ITGA2B: variants seen among roughly 807,000 people sequenced by gnomAD.
ITGA2B encodes integrin alpha-IIb.
A neutral mutation model predicts 142.0 loss-of-function variants in ITGA2B; 91 were observed. That is an observed-to-expected ratio of 0.64 (90% CI 0.54 to 0.76). The LOEUF is 0.76. ITGA2B is among the 30% of genes least tolerant of loss of function. ITGA2B has a pLI of 0.00. For missense variants in ITGA2B, 1,231 were observed against 1,350.8 expected (o/e 0.91, Z 1.39); for synonymous variants, 536 against 567.2 (o/e 0.94, Z 0.78).
intron 6 of ITGA2B, 27 bp downstream of exon 6, chr17:44,385,133 AAGGG>A: frequency 1.2e-6 from 2 of 1,613,948 alleles, no homozygotes; most frequent in South Asian, 1.1e-5. Context: ...GGGCCGCGAG[AAGGG>A]AGGGAGGTGT....
At position 44,376,325 on chromosome 17, in the gene ITGA2B, G is replaced by A; in HGVS notation, c.2331C>T (p.Ala777=). The change falls in exon 23 of 30, where the codon GCC becomes GCT. Residue 777 remains alanine, a synonymous_variant. Transcript: ENST00000262407. Reference sequence around the variant, plus strand: ...CCTCTCACCCTCGCAGCTCCACTTGGGCCTCTGCCCGGACCGGCACGTCCA... The same window carrying A: ...CCTCTCACCCTCGCAGCTCCACTTGAGCCTCTGCCCGGACCGGCACGTCCA... ...VLLDVPVRAE[A]QVELRGNSFP... is the part of the protein sequence containing the mutation. The A allele has an allele frequency of 6.2e-7, 1 of 1,614,166 alleles. No homozygotes were observed. The highest frequency in any genetic ancestry group is 8.5e-7 in the Non-Finnish European group (1 of 1,180,028).
In ITGA2B at chr17:44,385,899, G is replaced by A. The variant is rs765388119; in HGVS notation, c.333C>T (p.Gly111=). Reference sequence around the variant, plus strand: ...CCTTGAAGGTTTGTAAAGTTTGGGAGCCTACATTTCGGGTCTCATCACCTG... The same window carrying A: ...CCTTGAAGGTTTGTAAAGTTTGGGAACCTACATTTCGGGTCTCATCACCTG... The part of the protein sequence containing the change: ...FDLRDETRNV[G]SQTLQTFKAR... The change falls in exon 3 of 30, where the codon GGC becomes GGT. Residue 111 remains glycine, a synonymous_variant. Coordinates refer to ENST00000262407, the MANE Select transcript of ITGA2B (RefSeq NM_000419.5). The A allele has an allele frequency of 1.9e-6, 3 of 1,611,718 alleles. No homozygotes were observed. The highest frequency in any genetic ancestry group is 2.2e-5 in the South Asian group (2 of 90,686).
chr17:44,379,014 C>T (rs749687882), intron 18 of ITGA2B, among the ~76,000 whole-genome samples: 34 of 150,448 alleles, frequency 2.3e-4, no homozygotes, highest in Admixed American at 1.8e-3. Flanking sequence ...GGCACTATCT[C>T]GGCTCACTGC....
intron 18 of ITGA2B, among the ~76,000 whole-genome samples, chr17:44,379,234 G>A (rs528316308): frequency 2.0e-5 from 3 of 148,996 alleles, no homozygotes; most frequent in Non-Finnish European, 3.0e-5. Context: ...GATTACAGGC[G>A]TGAGCCACTG....
Position 44,375,613 on chromosome 17 carries a change from C to T in ITGA2B, c.2705G>A (p.Arg902Lys), listed in dbSNP as rs867187272. The T allele has an allele frequency of 1.2e-5, 20 of 1,614,048 alleles. 1 individual carries two copies. The Middle Eastern group carries it at 3.3e-3, about 266-fold the overall frequency. Residue 902 changes from arginine (R) to lysine (K), a missense_variant, in exon 26 of 30, where the codon AGG (arginine) becomes AAG (lysine). Arg to Lys is a conservative substitution (Grantham distance 26). Around this residue, in one of 3 missense-constraint regions of ITGA2B, gnomAD observed 908 missense variants for 1,021.1 expected, o/e 0.89. Transcript: ENST00000262407. ...CACTACGAGAACTGGATCCTGAAGCCTCGAGGGCTGCTCGGGCTCTGGCAG... is the reference window on the plus strand; with the variant it reads ...CACTACGAGAACTGGATCCTGAAGCTTCGAGGGCTGCTCGGGCTCTGGCAG... ...IFLPEPEQPS[R>K]LQDPVLVSCD...
rs1291786520 is a variant in ITGA2B at position 44,372,226 on chromosome 17, A to G, written c.*138T>C. ...TAGGCAGCAGGAGGGGGGGTAGCCC[A>G]GCTCTGTTGGGAGGGAAACGACACC... On this transcript the variant is annotated 3_prime_UTR_variant, in exon 30 of 30. Transcript: ENST00000262407. 6.2e-6 allele frequency: 5 copies of G among 811,264 alleles called. No individual in the cohort carries two copies. In the East Asian group the frequency reaches 1.3e-4, roughly 21 times the overall value. 50.3% of individuals were successfully genotyped at this position (811,264 alleles called of 1,614,324 possible).
intron 18 of ITGA2B, 77 bp downstream of exon 18, chr17:44,379,612 T>G: frequency 1.9e-6 from 3 of 1,608,516 alleles, no homozygotes. Flanking sequence ...GTTCACATTG[T>G]GACTTGGCAC....
intron 22 of ITGA2B, 109 bp from the exon 23 acceptor site, chr17:44,376,497 A>ATTAGCCAG: frequency 1.1e-6 from 1 of 941,444 alleles, no homozygotes. Flanking sequence ...TTATACAAAG[A>ATTAGCCAG]GCATGCCACA....
chr17:44,384,437 A>T, intron 8 of ITGA2B, 83 bp from the exon 9 acceptor site: 2 of 1,607,694 alleles, frequency 1.2e-6, no homozygotes, highest in Non-Finnish European at 1.7e-6. Flanking sequence ...ACCCAGGGAA[A>T]AATGTGTGTG....
chr17:44,387,265 G>C (rs1190221041), intron 1 of ITGA2B, among the ~76,000 whole-genome samples: 1 of 152,180 alleles, frequency 6.6e-6, no homozygotes, highest in Non-Finnish European at 1.5e-5. Flanking sequence ...GCTCACGCCT[G>C]TAATCCCAGT....
chr17:44,376,521 T>C (rs2048545991), intron 22 of ITGA2B, 133 bp from the exon 23 acceptor site: 2 of 785,028 alleles, frequency 2.5e-6, no homozygotes, highest in Non-Finnish European at 4.4e-6. Context: ...AAGTTAGACC[T>C]GGGAAAGAAC....
Position 44,374,731 on chromosome 17 carries a change from C to T in ITGA2B, c.2871G>A (p.Ser957=), listed in dbSNP as rs759462215. The change falls in exon 28 of 30, where the codon TCG becomes TCA. Residue 957 remains serine, a synonymous_variant. Transcript: ENST00000262407. ...GGGAGGACACGTTGAACCATGCGTG[C>T]GACTGCAGCACAAACTGATCCAGAG... ...QRPLDQFVLQ[S]HAWFNVSSLP... 28 of 1,613,888 alleles carry T rather than the reference C, an allele frequency of 1.7e-5. No homozygotes were observed. Among genetic ancestry groups the T allele is most frequent in the South Asian group, 2.2e-5 (2 of 91,086 alleles).
Position 44,375,691 on chromosome 17 carries a change from C to T in ITGA2B, c.2627G>A (p.Ser876Asn). The T allele has an allele frequency of 6.3e-7, 1 of 1,597,690 alleles. No homozygotes were observed. Among genetic ancestry groups the T allele is most frequent in the Non-Finnish European group, 8.5e-7 (1 of 1,172,566 alleles). The change falls in exon 26 of 30, where the codon AGC becomes AAC. Residue 876 changes from serine to asparagine, a missense_variant. Ser to Asn is a conservative substitution (Grantham distance 46). Transcript: ENST00000262407. ...LKVDWGLPIP[S>N]PSPIHPAHHK... ...ATGGGCCGGGTGAATGGGGGAGGGGCTGGGGATGGGCAGCCCCCAGTCCAC... is the reference window on the plus strand; with the variant it reads ...ATGGGCCGGGTGAATGGGGGAGGGGTTGGGGATGGGCAGCCCCCAGTCCAC...
In ITGA2B at chr17:44,380,597, C is replaced by T. The variant is rs746085441; in HGVS notation, c.1439+3G>A. 6.2e-6 allele frequency: 10 copies of T among 1,614,242 alleles called. No homozygotes were observed. Among genetic ancestry groups the T allele is most frequent in the South Asian group, 3.3e-5 (3 of 91,082 alleles). Reference sequence around the variant, plus strand: ...CCATCCCGCCCCTGGAGCCAGTGCTCACCTGTACACAGCCACCTGGTTGGC... The same window carrying T: ...CCATCCCGCCCCTGGAGCCAGTGCTTACCTGTACACAGCCACCTGGTTGGC... On this transcript the variant is annotated splice_donor_region_variant and intron_variant, in intron 14 of 29. Transcript: ENST00000262407.
At chr17:44,379,497 G>T (rs2048574913) in intron 18 of ITGA2B, among the ~76,000 whole-genome samples, 192 bp downstream of exon 18, 1 of 151,654 alleles carries the variant, frequency 6.6e-6, no homozygotes, top group African/African-American at 2.4e-5. Context: ...CAGGCAATCT[G>T]CCTGCCTCGG....
At chr17:44,377,146 C>A (rs1000888535) in intron 21 of ITGA2B, 58 bp from the exon 22 acceptor site, 3 of 1,292,932 alleles carry the variant, frequency 2.3e-6, no homozygotes, top group Non-Finnish European at 3.3e-6. Flanking sequence ...GACAGCCCTG[C>A]CCTGAATGTG....
Position 44,376,347 on chromosome 17 carries a change from T to C in ITGA2B, c.2309A>G (p.Asp770Gly). Residue 770 changes from aspartate (D) to glycine (G), a missense_variant, in exon 23 of 30, where the codon GAC becomes GGC. By Grantham distance (94) the Asp-to-Gly change is moderately conservative. Around this residue, in one of 3 missense-constraint regions of ITGA2B, gnomAD observed 908 missense variants for 1,021.1 expected, o/e 0.89. Coordinates refer to ENST00000262407, the MANE Select transcript of ITGA2B (RefSeq NM_000419.5). ...TTGGGCCTCTGCCCGGACCGGCACG[T>C]CCAGCAGCACAATCTTGCTGTTTGG... Reference protein sequence around the residue: ...QNPNSKIVLLDVPVRAEAQVE... With the variant: ...QNPNSKIVLLGVPVRAEAQVE... 1 of 1,614,138 alleles carries C rather than the reference T, an allele frequency of 6.2e-7. No homozygotes were observed. Among genetic ancestry groups the C allele is most frequent in the Non-Finnish European group, 8.5e-7 (1 of 1,180,032 alleles).
rs2048613446 is a variant in ITGA2B, at chr17:44,383,475, G to A, written c.1210+18C>T. 1 of 1,593,762 alleles carries A rather than the reference G, an allele frequency of 6.3e-7. No homozygotes were observed. The highest frequency in any genetic ancestry group is 1.3e-5 in the African/African-American group (1 of 74,770). ...TGTTAACCCCTCTGCAGCAAGTAGGGCTCCTCTCTTCCCTCACCATTGTAG... is the reference window on the plus strand; with the variant it reads ...TGTTAACCCCTCTGCAGCAAGTAGGACTCCTCTCTTCCCTCACCATTGTAG... On this transcript the variant is annotated intron_variant, in intron 12 of 29. Coordinates refer to ENST00000262407, the MANE Select transcript of ITGA2B (RefSeq NM_000419.5).
Position 44,384,535 on chromosome 17 carries a change from T to C in ITGA2B, c.847+3A>G. ...CAACTCCCGCCCTAAGTGGATTTCT[T>C]GCCTGTAGTGTTGAGATCCCCGTCG... is the stretch of plus-strand genomic sequence containing the variant. On this transcript the variant is annotated splice_donor_region_variant and intron_variant, in intron 8 of 29. Coordinates refer to ENST00000262407, the MANE Select transcript of ITGA2B (RefSeq NM_000419.5). 4 of 1,614,006 alleles carry C rather than the reference T, an allele frequency of 2.5e-6. No individual in the cohort carries two copies. The highest frequency in any genetic ancestry group is 3.4e-6 in the Non-Finnish European group (4 of 1,180,018).
Sources: gnomAD v4.1 joint callset for allele counts (sites outside exome capture counted in the v4.1 genomes callset) on GRCh38, gnomAD v4.1.1 for gene constraint, gnomAD v4.1.1 regional missense constraint, MANE v1.5 for transcripts, NCBI Gene and HGNC (gene_info 2026-07-23, HGNC 2026-07-21) for gene names.